Variants in FSIP2 observed in about 807,000 individuals in gnomAD.
FSIP2 encodes fibrous sheath-interacting protein 2.
FSIP2 carries 367 observed loss-of-function variants against 510.5 expected under a neutral mutation model. The observed-to-expected ratio is 0.72, with a 90% CI of 0.66 to 0.78. The LOEUF is 0.78. Among genes scored for constraint, FSIP2 ranks in the 30% least tolerant of loss-of-function variants. The pLI, the probability that FSIP2 is intolerant of heterozygous loss-of-function variation, is 0.00. For synonymous variants in FSIP2, 2,601 were observed against 2,732.2 expected, an observed-to-expected ratio of 0.95 and a Z score of 1.50; for missense variants, 7,594 against 7,901.7, an observed-to-expected ratio of 0.96 and a Z score of 1.48.
In FSIP2 at chr2:185,792,149, C is replaced by G. The variant is rs978531082; in HGVS notation, c.5013C>G (p.Asn1671Lys). ...CAGATTTGAAGACAAGTGTAGAAAA[C>G]CCACCACCTGAGACTCAAATACTTA... ...TSSDLKTSVE[N>K]PPPETQILKY... The change falls in exon 16 of 23, where the codon AAC (asparagine) becomes AAG (lysine). Residue 1671 changes from asparagine to lysine, a missense_variant. By Grantham distance (94) the Asn-to-Lys change is moderately conservative. Transcript: ENST00000424728. 1 of 1,533,064 alleles carries G rather than the reference C, an allele frequency of 6.5e-7. No homozygotes were observed. The highest frequency in any genetic ancestry group is 1.4e-5 in the African/African-American group (1 of 72,790). The allele number at this position is 1,533,064 out of a possible 1,614,324, so 95.0% of individuals were successfully genotyped here. A position where few individuals can be genotyped will look rare whatever the true frequency, so the allele number is the denominator to read the frequency against.
Position 185,805,164 on chromosome 2 carries a change from C to A in FSIP2, c.15858C>A (p.His5286Gln), listed in dbSNP as rs1429827586. The change falls in exon 17 of 23, where the codon CAC becomes CAA. Residue 5286 changes from histidine to glutamine, a missense_variant. Physicochemically the swap from His to Gln is conservative, Grantham distance 24. Coordinates refer to ENST00000424728, the MANE Select transcript of FSIP2 (RefSeq NM_173651.4). ...FLEDIIIDLV[H>Q]KFCSLLIITE... ...AAGACATAATCATTGACCTTGTTCA[C>A]AAATTTTGTTCTCTCCTCATTATTA... The A allele has an allele frequency of 6.2e-7, 1 of 1,610,072 alleles. No homozygotes were observed. Among genetic ancestry groups the A allele is most frequent in the East Asian group, 2.2e-5 (1 of 44,734 alleles).
At chr2:185,749,301 A>G (rs1331336614) in intron 7 of FSIP2, among the ~76,000 whole-genome samples, 1 of 151,928 alleles carries the variant, frequency 6.6e-6, no homozygotes, top group Non-Finnish European at 1.5e-5. Flanking sequence ...CGCTCCATTT[A>G]TGTAGGTCTT....
rs1485703175 is a variant in FSIP2 at position 185,831,835 on chromosome 2, C to T, written c.20540C>T (p.Ser6847Phe). ...SVKFITIFER[S>F]KDVLGSANPS... ...CAGTTTATCACCATCTTTGAAAGAT[C>T]CAAGGATGTTCTTGGCAGTGCAAAT... The change falls in exon 22 of 23, where the codon TCC becomes TTC. Residue 6847 changes from serine (S) to phenylalanine (F), a missense_variant. Coordinates refer to ENST00000424728, the MANE Select transcript of FSIP2 (RefSeq NM_173651.4). 11 of 1,609,156 alleles carry T rather than the reference C, an allele frequency of 6.8e-6. No homozygotes were observed. The highest frequency in any genetic ancestry group is 8.5e-6 in the Non-Finnish European group (10 of 1,176,432).
In FSIP2 at chr2:185,745,520, A is replaced by G. The variant is rs539029488; in HGVS notation, c.569A>G (p.Lys190Arg). The change falls in exon 5 of 23, where the codon AAG becomes AGG. Residue 190 changes from lysine (K) to arginine (R), a missense_variant. By Grantham distance (26) the Lys-to-Arg change is conservative. Coordinates refer to ENST00000424728, the MANE Select transcript of FSIP2 (RefSeq NM_173651.4). ...GCACAAGTCCAAAACTGGTTGTTAAAGGAGGGCACTGAATCTATTAAGGAC... is the reference window on the plus strand; with the variant it reads ...GCACAAGTCCAAAACTGGTTGTTAAGGGAGGGCACTGAATCTATTAAGGAC... ...DVAQVQNWLL[K>R]EGTESIKDQE... The G allele has an allele frequency of 2.6e-6, 4 of 1,535,848 alleles. No individual in the cohort carries two copies. In the East Asian group the frequency reaches 9.8e-5, roughly 38 times the overall value.
intron 17 of FSIP2, 121 bp downstream of exon 17, chr2:185,809,254 T>G (rs963699015): frequency 1.9e-6 from 2 of 1,080,236 alleles, no homozygotes; most frequent in Non-Finnish European, 2.6e-6. Context: ...CTCAGCCCAA[T>G]AGGAGAATTA....
intron 13 of FSIP2, among the ~76,000 whole-genome samples, chr2:185,770,287 C>A (rs1027076653): frequency 1.3e-5 from 2 of 152,210 alleles, no homozygotes; most frequent in South Asian, 2.1e-4. Flanking sequence ...AGATCTTGAA[C>A]CTCCCTGGTT....
intron 10 of FSIP2, among the ~76,000 whole-genome samples, chr2:185,761,642 T>C (rs1056602965): frequency 3.3e-5 from 5 of 151,238 alleles, no homozygotes; most frequent in African/African-American, 1.2e-4. Flanking sequence ...TTACATTGGA[T>C]TTCTCTGAGA....
At chr2:185,782,890 G>GTCTT in intron 14 of FSIP2, 128 bp downstream of exon 14, 1 of 634,668 alleles carries the variant, frequency 1.6e-6, no homozygotes. Flanking sequence ...GTGAAACTTA[G>GTCTT]TCTTTTGCAG....
At chr2:185,743,510 C>G (rs971284758) in intron 3 of FSIP2, among the ~76,000 whole-genome samples, 4 of 152,032 alleles carry the variant, frequency 2.6e-5, no homozygotes, top group Admixed American at 6.6e-5. Flanking sequence ...CACCTTTTTT[C>G]TTTGTAATAT....
At chr2:185,832,254 CATT>C (rs1166952237) in intron 22 of FSIP2, among the ~76,000 whole-genome samples, 2 of 151,922 alleles carry the variant, frequency 1.3e-5, no homozygotes, top group African/African-American at 4.8e-5. Context: ...GCAACATCAT[CATT>C]GTCTACACAC....
In FSIP2 at chr2:185,761,959, TG is replaced by T; in HGVS notation, c.1195-11del. On this transcript the variant is annotated splice_polypyrimidine_tract_variant and intron_variant, in intron 10 of 22. Coordinates refer to ENST00000424728, the MANE Select transcript of FSIP2 (RefSeq NM_173651.4). ...CTAATGTAATTTTTTCTCTTCAATG[TG>T]GTACCATGTAGAGAGATGGGATGGT... The T allele has an allele frequency of 6.9e-7, 1 of 1,441,084 alleles. No homozygotes were observed. The allele number at this position is 1,441,084 out of a possible 1,614,324, so 89.3% of individuals were successfully genotyped here.
chr2:185,758,491 G>T (rs1437402228), intron 9 of FSIP2, among the ~76,000 whole-genome samples: 1 of 151,184 alleles, frequency 6.6e-6, no homozygotes, highest in Non-Finnish European at 1.5e-5. Context: ...GTAAACTATA[G>T]AAAAGAAAAT....
chr2:185,749,054 A>C (rs2105537392), intron 7 of FSIP2, among the ~76,000 whole-genome samples: 1 of 152,112 alleles, frequency 6.6e-6, no homozygotes, highest in South Asian at 2.1e-4. Flanking sequence ...TGATTGCTGT[A>C]CCTTTAACAA....
At chr2:185,759,232 G>A (rs1439915638) in intron 9 of FSIP2, among the ~76,000 whole-genome samples, 2 of 150,390 alleles carry the variant, frequency 1.3e-5, no homozygotes, top group Admixed American at 1.3e-4. Context: ...ATCATTAATG[G>A]GTGTTGAATT....
chr2:185,830,399 A>G (rs1694085373), intron 21 of FSIP2, among the ~76,000 whole-genome samples: 1 of 151,900 alleles, frequency 6.6e-6, no homozygotes, highest in South Asian at 2.1e-4. Context: ...TCTAACAAAC[A>G]GATACATGTT....
chr2:185,766,121 T>C (rs540731428), intron 13 of FSIP2: 20 of 152,216 alleles, frequency 1.3e-4, no homozygotes, highest in African/African-American at 4.6e-4. Context: ...CTTTTCCTAA[T>C]TGAATAACCT....
chr2:185,761,086 A>T lies in FSIP2; in HGVS notation c.1177A>T (p.Asn393Tyr). 1 of 1,371,206 alleles carries T rather than the reference A, an allele frequency of 7.3e-7. No homozygotes were observed. The highest frequency in any genetic ancestry group is 2.5e-5 in the East Asian group (1 of 39,668). The allele number at this position is 1,371,206 out of a possible 1,614,324, so 84.9% of individuals were successfully genotyped here. Reference protein sequence around the residue: ...SVVYQADVQDNGINQKRDGMV... With the variant: ...SVVYQADVQDYGINQKRDGMV... ...TGTTTATCAGGCAGATGTACAGGAT[A>T]ATGGTATAAATCAAAAGGTATACAA... The change falls in exon 10 of 23, where the codon AAT (asparagine) becomes TAT (tyrosine). Residue 393 changes from asparagine (N) to tyrosine (Y), a missense_variant. Asn to Tyr is a moderately radical substitution (Grantham distance 143). Transcript: ENST00000424728.
chr2:185,818,815 G>T (rs141827539), intron 19 of FSIP2, among the ~76,000 whole-genome samples: 2 of 151,848 alleles, frequency 1.3e-5, no homozygotes, highest in Admixed American at 1.3e-4. Flanking sequence ...GACAAGAAAT[G>T]CTAAAGAAAG....
intron 20 of FSIP2, among the ~76,000 whole-genome samples, chr2:185,825,607 T>C (rs1014414773): frequency 6.6e-6 from 1 of 151,824 alleles, no homozygotes; most frequent in African/African-American, 2.4e-5. Flanking sequence ...GCATCCCACA[T>C]CTCCTGCCTC....
Sources: allele counts gnomAD v4.1 joint callset (sites outside exome capture counted in the v4.1 genomes callset), GRCh38; gene constraint gnomAD v4.1.1; transcripts MANE v1.5; gene names NCBI Gene and HGNC (gene_info 2026-07-23, HGNC 2026-07-21).